Variants in LSM14A observed in about 807,000 individuals in gnomAD.
LSM14A encodes the protein LSM14A mRNA processing body assembly factor.
Under a neutral mutation model 52.4 loss-of-function variants are expected in LSM14A, and 14 were observed. That is an observed-to-expected ratio of 0.27 (90% CI 0.18 to 0.42). LSM14A has a LOEUF of 0.42. LSM14A is among the 10% of genes least tolerant of loss of function. The pLI is 1.00. For synonymous variants in LSM14A, 185 were observed against 200.3 expected (o/e 0.92, Z 0.64); for missense variants, 417 against 581.8 (o/e 0.72, Z 2.91).
chr19:34,185,893 G>T (rs2069871222), intron 1 of LSM14A, among the ~76,000 whole-genome samples: 1 of 152,138 alleles, frequency 6.6e-6, no homozygotes, highest in South Asian at 2.1e-4. Flanking sequence ...ATATGCTGAG[G>T]TTGGGTTTGT....
chr19:34,198,715 G>A (rs916177770), intron 3 of LSM14A, among the ~76,000 whole-genome samples: 5 of 151,996 alleles, frequency 3.3e-5, no homozygotes, highest in Non-Finnish European at 7.4e-5. Flanking sequence ...GGCTGGGTGC[G>A]GTGGCTTACG....
At chr19:34,208,627 T>G (rs2071885291) in intron 3 of LSM14A, 1 of 211,580 alleles carries the variant, frequency 4.7e-6, no homozygotes, top group Non-Finnish European at 9.3e-6. Context: ...CTTCTCTAGT[T>G]GGTATGGGTC....
chr19:34,190,960 A>G (rs1460776202), intron 1 of LSM14A, among the ~76,000 whole-genome samples: 2 of 151,984 alleles, frequency 1.3e-5, no homozygotes, highest in African/African-American at 2.4e-5. Context: ...AGACATTTCT[A>G]TTCTGTTATA....
intron 4 of LSM14A, among the ~76,000 whole-genome samples, chr19:34,209,768 C>G (rs900183954): frequency 6.6e-6 from 1 of 151,732 alleles, no homozygotes; most frequent in Non-Finnish European, 1.5e-5. Context: ...AACTCCTGGG[C>G]TCAAGCGATC....
At chr19:34,173,135 C>T (rs2068828320) in intron 1 of LSM14A, among the ~76,000 whole-genome samples, 1 of 152,252 alleles carries the variant, frequency 6.6e-6, no homozygotes, top group African/African-American at 2.4e-5. Context: ...TTCCGCCCAG[C>T]TTGAGTTCAT....
Position 34,222,399 on chromosome 19 carries a change from C to T in LSM14A, c.1368+661C>T, listed in dbSNP as rs367945212. ...AGAATTCTGTAACTCTGTATAGTAG[C>T]CTTATGTGTATAATGTAGCTTTTGA... On this transcript the variant is annotated intron_variant, in intron 9 of 9. Transcript: ENST00000544216. Among the ~76,000 whole-genome samples the T allele has an allele frequency of 6.4e-4, 98 of 152,270 alleles. 1 individual carries two copies. The highest frequency in any genetic ancestry group is 2.3e-3 in the African/African-American group (94 of 41,558).
chr19:34,178,177 C>T (rs62102104), intron 1 of LSM14A, among the ~76,000 whole-genome samples: 10 of 114,240 alleles, frequency 8.8e-5, no homozygotes, highest in African/African-American at 3.4e-4. Flanking sequence ...AAAAAAAACA[C>T]AAAATAATAA....
intron 8 of LSM14A, among the ~76,000 whole-genome samples, chr19:34,220,450 A>C (rs1327500584): frequency 6.6e-6 from 1 of 152,246 alleles, no homozygotes; most frequent in Non-Finnish European, 1.5e-5. Flanking sequence ...TTACAGTTCA[A>C]ATGAAGCCAG....
At position 34,206,924 on chromosome 19, in the gene LSM14A, T is replaced by C. The variant is rs184972433; in HGVS notation, c.416-2005T>C. On this transcript the variant is annotated intron_variant, in intron 3 of 9. Transcript: ENST00000544216. Reference sequence around the variant, plus strand: ...AGCTGCAACATTTGAAAATCAGTTGTAACTTACCACGTTAACAGACCAGGA... The same window carrying C: ...AGCTGCAACATTTGAAAATCAGTTGCAACTTACCACGTTAACAGACCAGGA... 5.3e-5 allele frequency among the ~76,000 whole-genome samples: 8 copies of C among 152,288 alleles called. No homozygotes were observed. In the East Asian group the frequency reaches 1.3e-3, roughly 26 times the overall value.
At chr19:34,179,478 C>A (rs540583123) in intron 1 of LSM14A, among the ~76,000 whole-genome samples, 89 of 152,270 alleles carry the variant, frequency 5.8e-4, no homozygotes, top group African/African-American at 2.1e-3. Context: ...GCCACAGTTT[C>A]TTTTTGTTGC....
chr19:34,205,145 A>G lies in LSM14A; in HGVS notation c.416-3784A>G, dbSNP rs145465339. Among the ~76,000 whole-genome samples, 5 of 152,132 alleles carry G rather than the reference A, an allele frequency of 3.3e-5. No individual in the cohort carries two copies. In the East Asian group the frequency reaches 9.7e-4, roughly 29 times the overall value. The stretch of plus-strand genomic sequence containing the variant: ...AGACTTTGTCTCAAATAAAAAGGAA[A>G]AGAAAATAAGAATTTTTAAAATCAG... On this transcript the variant is annotated intron_variant, in intron 3 of 9. Transcript: ENST00000544216.
In LSM14A at chr19:34,184,171, T is replaced by C. The variant is rs751361836; in HGVS notation, c.122-10307T>C. Among the ~76,000 whole-genome samples the C allele has an allele frequency of 6.2e-4, 93 of 149,850 alleles. 1 individual carries two copies. Among genetic ancestry groups the C allele is most frequent in the Middle Eastern group, 3.4e-3 (1 of 294 alleles). ...CCCGGGTTCAAGTGATTCTCCTACCTCAGCCTCCTGAGTAGCTGGGATGAC... is the reference window on the plus strand; with the variant it reads ...CCCGGGTTCAAGTGATTCTCCTACCCCAGCCTCCTGAGTAGCTGGGATGAC... On this transcript the variant is annotated intron_variant, in intron 1 of 9. Transcript: ENST00000544216.
At chr19:34,202,362 A>G (rs2071360340) in intron 3 of LSM14A, among the ~76,000 whole-genome samples, 1 of 151,306 alleles carries the variant, frequency 6.6e-6, no homozygotes, top group South Asian at 2.1e-4. Context: ...GCATGGTGGC[A>G]CACTCCTGTA....
chr19:34,195,845 C>T (rs2070796221), intron 2 of LSM14A, among the ~76,000 whole-genome samples: 1 of 152,204 alleles, frequency 6.6e-6, no homozygotes, highest in Non-Finnish European at 1.5e-5. Context: ...TAAGAGAGCG[C>T]ATATGAAAAT....
intron 9 of LSM14A, among the ~76,000 whole-genome samples, chr19:34,224,188 C>A (rs528497777): frequency 3.3e-5 from 5 of 151,864 alleles, no homozygotes; most frequent in Non-Finnish European, 5.9e-5. Context: ...AAAAATTAGC[C>A]GGGCGTGGTG....
intron 6 of LSM14A, among the ~76,000 whole-genome samples, chr19:34,217,722 C>T (rs568547128): frequency 1.4e-5 from 2 of 145,412 alleles, no homozygotes; most frequent in South Asian, 2.2e-4. Flanking sequence ...CTCCACCGCC[C>T]GGGTTCATGC....
At position 34,215,465 on chromosome 19, in the gene LSM14A, G is replaced by A. The variant is rs1268146568; in HGVS notation, c.716-131G>A. 5 of 1,090,628 alleles carry A rather than the reference G, an allele frequency of 4.6e-6. No homozygotes were observed. In the African/African-American group the frequency reaches 6.3e-5, roughly 14 times the overall value. 67.6% of individuals were successfully genotyped at this position (1,090,628 alleles called of 1,614,324 possible). A position where few individuals can be genotyped will look rare whatever the true frequency, so the allele number is the denominator to read the frequency against. On this transcript the variant is annotated intron_variant, in intron 5 of 9. Coordinates refer to ENST00000544216, the MANE Select transcript of LSM14A (RefSeq NM_015578.4). ...TTTGACTCAAAGTGGTGGTGGTGTG[G>A]GTATAGTTTTTTGGGCATTGCACAG...
At chr19:34,209,872 C>T (rs2072006632) in intron 4 of LSM14A, among the ~76,000 whole-genome samples, 1 of 150,412 alleles carries the variant, frequency 6.6e-6, no homozygotes, top group African/African-American at 2.4e-5. Flanking sequence ...AGATAGGTCT[C>T]ACTATGCTGC....
At chr19:34,197,330 A>T (rs375050699) in intron 3 of LSM14A, among the ~76,000 whole-genome samples, 2 of 151,564 alleles carry the variant, frequency 1.3e-5, no homozygotes, top group East Asian at 3.9e-4. Flanking sequence ...ACCTCAGGTG[A>T]TCCACCTGCT....
Sources: allele counts gnomAD v4.1 joint callset (sites outside exome capture counted in the v4.1 genomes callset), GRCh38; gene constraint gnomAD v4.1.1; transcripts MANE v1.5; gene names NCBI Gene and HGNC (gene_info 2026-07-23, HGNC 2026-07-21).